RYR2: variants seen among roughly 807,000 people sequenced by gnomAD.
RYR2 encodes ryanodine receptor 2.
Under a neutral mutation model 601.1 loss-of-function variants are expected in RYR2, and 227 were observed. The observed-to-expected ratio is 0.38, with a 90% CI of 0.34 to 0.42. RYR2 has a LOEUF of 0.42. Among genes scored for constraint, RYR2 ranks in the 10% least tolerant of loss-of-function variants. The probability of loss-of-function intolerance (pLI) is 1.00; values close to 1 mark genes in which losing one functional copy is unlikely to be tolerated. For synonymous variants in RYR2, 2,223 were observed against 2,175.1 expected (o/e 1.02, Z -0.61); for missense variants, 4,646 against 6,156.5 (o/e 0.75, Z 8.21).
intron 55 of RYR2, 103 bp from the exon 56 acceptor site, chr1:237,660,707 A>C: frequency 9.6e-7 from 1 of 1,040,776 alleles, no homozygotes; most frequent in Middle Eastern, 3.2e-4. Flanking sequence ...ATGCTCATCA[A>C]ATTTTTAAAA....
rs1662160840 is a variant in RYR2, at chr1:237,819,216, T to A, written c.14590+24T>A. 6.3e-7 allele frequency: 1 copy of A among 1,599,358 alleles called. No individual in the cohort carries two copies. The highest frequency in any genetic ancestry group is 1.7e-5 in the Admixed American group (1 of 59,906). ...AGGTAAGTATCCTCCTCACTGAAGCTGATGAACATCTAGAATTTGAGCCAC... is the reference window on the plus strand; with the variant it reads ...AGGTAAGTATCCTCCTCACTGAAGCAGATGAACATCTAGAATTTGAGCCAC... On this transcript the variant is annotated intron_variant, in intron 101 of 104. Transcript: ENST00000366574. This position sits in a 1 kb window ranked among gnomAD's most constrained non-coding sequence, Gnocchi z 4.0.
intron 1 of RYR2, among the ~76,000 whole-genome samples, chr1:237,157,633 C>T (rs144296655): frequency 2.1e-3 from 322 of 152,216 alleles, no homozygotes; most frequent in African/African-American, 7.5e-3. Flanking sequence ...AGAAGCCAGG[C>T]AGAGAAAGAC....
At chr1:237,664,308 T>G (rs947396027) in intron 56 of RYR2, among the ~76,000 whole-genome samples, 7 of 152,210 alleles carry the variant, frequency 4.6e-5, no homozygotes, top group African/African-American at 1.7e-4. Context: ...GTATGCTGCA[T>G]TGTTCTAAGC....
chr1:237,549,979 A>G (rs996272638), intron 26 of RYR2, among the ~76,000 whole-genome samples: 2 of 152,186 alleles, frequency 1.3e-5, no homozygotes, highest in Admixed American at 6.5e-5. Flanking sequence ...CTCTCGTACA[A>G]TAGACAAGTT....
rs1189081316 is a variant in RYR2, at chr1:237,610,586, T to A, written c.4684-176T>A. On this transcript the variant is annotated intron_variant, in intron 35 of 104. Coordinates refer to ENST00000366574, the MANE Select transcript of RYR2 (RefSeq NM_001035.3). This position sits in a 1 kb window ranked among gnomAD's most constrained non-coding sequence, Gnocchi z 4.9. ...TTCTCTCTCATAATGTATTTCCTGG[T>A]TTGTCCTTTCAGAAACTTTTCAACC... Among the ~76,000 whole-genome samples the A allele has an allele frequency of 6.6e-6, 1 of 152,218 alleles. No homozygotes were observed. The highest frequency in any genetic ancestry group is 2.4e-5 in the African/African-American group (1 of 41,458).
At chr1:237,269,108 T>C (rs574906016) in intron 1 of RYR2, among the ~76,000 whole-genome samples, 3,456 of 122,504 alleles carry the variant, frequency 0.028, 467 homozygotes, top group African/African-American at 0.095. Context: ...AATGGCACGA[T>C]CTCAGCTCAC....
rs535077997 is a variant in RYR2, at chr1:237,058,256, A to G, written c.48+15687A>G. On this transcript the variant is annotated intron_variant, in intron 1 of 104. Coordinates refer to ENST00000366574, the MANE Select transcript of RYR2 (RefSeq NM_001035.3). ...GGAAAATGTTGAAATATCTTAGGAA[A>G]CAGAATGATTCTGCTGGTAGTGACT... Among the ~76,000 whole-genome samples the G allele has an allele frequency of 5.3e-5, 8 of 152,334 alleles. No homozygotes were observed. In the South Asian group the frequency reaches 1.5e-3, roughly 28 times the overall value.
intron 54 of RYR2, 78 bp from the exon 55 acceptor site, chr1:237,659,907 G>A (rs1400482784): frequency 9.8e-6 from 8 of 812,698 alleles, no homozygotes; most frequent in Admixed American, 3.2e-5. Context: ...TATCAAACAC[G>A]CACTTAAACA....
At chr1:237,218,413 T>G (rs1477451475) in intron 1 of RYR2, among the ~76,000 whole-genome samples, 4 of 152,218 alleles carry the variant, frequency 2.6e-5, no homozygotes, top group African/African-American at 9.6e-5. Flanking sequence ...ATGCATTATA[T>G]CTGGCCTGAC....
chr1:237,621,202 C>A (rs954320501), intron 38 of RYR2, among the ~76,000 whole-genome samples: 1 of 152,056 alleles, frequency 6.6e-6, no homozygotes, highest in East Asian at 1.9e-4. Context: ...TTTAAAGATT[C>A]ATTAAACTAA....
At chr1:237,830,762 C>T in intron 103 of RYR2, 132 bp downstream of exon 103, 2 of 549,428 alleles carry the variant, frequency 3.6e-6, no homozygotes, top group Non-Finnish European at 6.5e-6. Flanking sequence ...AAAGAAAGTC[C>T]AACAGCTAAT....
intron 75 of RYR2, among the ~76,000 whole-genome samples, chr1:237,726,678 A>G (rs1054281938): frequency 5.3e-5 from 8 of 152,180 alleles, no homozygotes; most frequent in Non-Finnish European, 8.8e-5. Context: ...TATGAATAAG[A>G]ATGAGGTAAT....
At chr1:237,186,031 T>A (rs1199952731) in intron 1 of RYR2, among the ~76,000 whole-genome samples, 1 of 152,138 alleles carries the variant, frequency 6.6e-6, no homozygotes, top group Non-Finnish European at 1.5e-5. Context: ...GTTTCAGGAG[T>A]CTGAGGGTTG....
chr1:237,714,896 A>C (rs1689130027), intron 71 of RYR2, among the ~76,000 whole-genome samples: 1 of 146,612 alleles, frequency 6.8e-6, no homozygotes, highest in Admixed American at 7.0e-5. Context: ...TGGGAGGCTG[A>C]GGCAGAGCAT....
At chr1:237,205,363 C>T (rs576331387) in intron 1 of RYR2, among the ~76,000 whole-genome samples, 1 of 152,314 alleles carries the variant, frequency 6.6e-6, no homozygotes, top group South Asian at 2.1e-4. Flanking sequence ...ACGAAATGCT[C>T]TCTCAGCAGC....
At chr1:237,613,612 A>C (rs370692546) in intron 36 of RYR2, among the ~76,000 whole-genome samples, 71 of 152,304 alleles carry the variant, frequency 4.7e-4, no homozygotes, top group African/African-American at 1.5e-3. Context: ...ATGTAGAAGA[A>C]AATTTGTAGA....
intron 42 of RYR2, 135 bp from the exon 43 acceptor site, chr1:237,633,443 A>AAGATCTTTGGTATCTG: frequency 9.9e-7 from 1 of 1,009,904 alleles, no homozygotes; most frequent in Non-Finnish European, 1.5e-6. Flanking sequence ...TGCACATTTG[A>AAGATCTTTGGTATCTG]AGATCTTTGG....
chr1:237,107,283 A>C (rs1236377844), intron 1 of RYR2, among the ~76,000 whole-genome samples: 1 of 151,876 alleles, frequency 6.6e-6, no homozygotes, highest in African/African-American at 2.4e-5. Flanking sequence ...AGGTTCTGGG[A>C]GGCTGAGGCG....
At chr1:237,521,002 A>T (rs548732795) in intron 24 of RYR2, among the ~76,000 whole-genome samples, 1 of 152,210 alleles carries the variant, frequency 6.6e-6, no homozygotes, top group South Asian at 2.1e-4. Flanking sequence ...GTGCCACTGC[A>T]CTCTAGCCTA....
Sources: gnomAD v4.1 joint callset for allele counts (sites outside exome capture counted in the v4.1 genomes callset) on GRCh38, gnomAD v4.1.1 for gene constraint, Gnocchi (gnomAD v3.1) non-coding constraint, MANE v1.5 for transcripts, NCBI Gene and HGNC (gene_info 2026-07-23, HGNC 2026-07-21) for gene names.